GREB1L: variants seen among roughly 807,000 people sequenced by gnomAD.
GREB1L encodes GREB1-like protein.
A neutral mutation model predicts 200.8 loss-of-function variants in GREB1L; 17 were observed. The observed-to-expected ratio is 0.08, with a 90% CI of 0.06 to 0.13. GREB1L has a LOEUF of 0.13. Among genes scored for constraint, GREB1L ranks in the 10% least tolerant of loss-of-function variants. The pLI is 1.00. For synonymous variants in GREB1L, 789 were observed against 893.0 expected (o/e 0.88, Z 2.08); for missense variants, 1,657 against 2,367.7 (o/e 0.70, Z 6.23).
At position 21,354,507 on chromosome 18, in the gene GREB1L, G is replaced by A. The variant is rs375251762; in HGVS notation, c.-119-11520G>A. Reference sequence around the variant, plus strand: ...AGTAGGTGCTGTGATTTCAGAATAGGCAAAAACAGAAAAACATAATTTTTG... The same window carrying A: ...AGTAGGTGCTGTGATTTCAGAATAGACAAAAACAGAAAAACATAATTTTTG... On this transcript the variant is annotated intron_variant, in intron 1 of 32. Coordinates refer to ENST00000424526, the MANE Select transcript of GREB1L (RefSeq NM_001142966.3). Among the ~76,000 whole-genome samples the A allele has an allele frequency of 4.7e-4, 72 of 152,274 alleles. No homozygotes were observed. In the South Asian group the frequency reaches 9.1e-3, roughly 19 times the overall value.
At chr18:21,436,371 C>T (rs1455507038) in intron 7 of GREB1L, among the ~76,000 whole-genome samples, 8 of 152,192 alleles carry the variant, frequency 5.3e-5, no homozygotes, top group East Asian at 3.9e-4. Flanking sequence ...GGCACAGTGA[C>T]GCCTGTAAAC....
At chr18:21,451,383 T>G (rs2034509910) in intron 13 of GREB1L, 2 of 363,262 alleles carry the variant, frequency 5.5e-6, no homozygotes, top group South Asian at 1.3e-4. Flanking sequence ...ACAACCTTGT[T>G]GAGTGACCTT....
At chr18:21,461,522 A>G (rs1276138003) in intron 15 of GREB1L, among the ~76,000 whole-genome samples, 2 of 151,966 alleles carry the variant, frequency 1.3e-5, no homozygotes, top group Non-Finnish European at 2.9e-5. Context: ...TGCCCGTATC[A>G]CCAGTGACCT....
Position 21,355,595 on chromosome 18 carries a change from G to A in GREB1L, c.-119-10432G>A, listed in dbSNP as rs907598474. Among the ~76,000 whole-genome samples, 9 of 152,140 alleles carry A rather than the reference G, an allele frequency of 5.9e-5. 1 individual carries two copies. The highest frequency in any genetic ancestry group is 2.2e-4 in the African/African-American group (9 of 41,402). ...AGATAGCTACCACAGACTAAACCCT[G>A]TGGAACACTAACATTTAGGAAATTG... On this transcript the variant is annotated intron_variant, in intron 1 of 32. Transcript: ENST00000424526.
chr18:21,286,201 G>A (rs2038353672), intron 1 of GREB1L, among the ~76,000 whole-genome samples: 1 of 152,214 alleles, frequency 6.6e-6, no homozygotes, highest in African/African-American at 2.4e-5. Context: ...CAGTGGTTTA[G>A]AGGGAGAACT....
chr18:21,388,242 A>G (rs1205442469), intron 4 of GREB1L, among the ~76,000 whole-genome samples: 1 of 152,196 alleles, frequency 6.6e-6, no homozygotes, highest in Admixed American at 6.5e-5. Flanking sequence ...GGTAAAAGAT[A>G]AAATAGAACT....
At chr18:21,459,431 G>A (rs1234533329) in intron 15 of GREB1L, among the ~76,000 whole-genome samples, 4 of 151,270 alleles carry the variant, frequency 2.6e-5, no homozygotes, top group Non-Finnish European at 5.9e-5. Context: ...GATTACAGGC[G>A]CCCACCACCA....
intron 1 of GREB1L, among the ~76,000 whole-genome samples, chr18:21,346,108 G>A (rs1264693044): frequency 1.3e-5 from 2 of 152,092 alleles, no homozygotes; most frequent in African/African-American, 4.8e-5. Context: ...GACAATAGGG[G>A]TGGAGAAAAG....
Position 21,454,451 on chromosome 18 carries a change from C to T in GREB1L, c.2070C>T (p.Asp690=). 2 of 1,551,542 alleles carry T rather than the reference C, an allele frequency of 1.3e-6. No individual in the cohort carries two copies. The highest frequency in any genetic ancestry group is 1.7e-6 in the Non-Finnish European group (2 of 1,146,824). ...TATCCCAGGTGTGTGCTATAGCGGA[C>T]AGTGGCAGCCAGAGCCTGGACCTCG... ...KLLSQVCAIA[D]SGSQSLDLGH... is the part of the protein sequence containing the mutation. Residue 690 remains aspartate (D), a synonymous_variant, in exon 15 of 33, where the codon GAC becomes GAT. Coordinates refer to ENST00000424526, the MANE Select transcript of GREB1L (RefSeq NM_001142966.3).
intron 7 of GREB1L, among the ~76,000 whole-genome samples, chr18:21,421,841 C>T (rs111824974): frequency 2.6e-5 from 4 of 152,236 alleles, no homozygotes; most frequent in Admixed American, 6.5e-5. Context: ...AAGATTTTTT[C>T]CCCCAGTGAT....
chr18:21,355,664 T>C (rs776746854), intron 1 of GREB1L, among the ~76,000 whole-genome samples: 1 of 152,114 alleles, frequency 6.6e-6, no homozygotes, highest in Non-Finnish European at 1.5e-5. Flanking sequence ...AGCAATGAGA[T>C]GAAATCCAGC....
chr18:21,253,045 G>A (rs1295523223), intron 1 of GREB1L, among the ~76,000 whole-genome samples: 1 of 152,056 alleles, frequency 6.6e-6, no homozygotes, highest in Non-Finnish European at 1.5e-5. Context: ...GTATTCAAAA[G>A]GGTTTCCTTC....
intron 1 of GREB1L, among the ~76,000 whole-genome samples, chr18:21,300,254 G>GCT (rs1226319826): frequency 8.5e-5 from 13 of 152,168 alleles, no homozygotes; most frequent in African/African-American, 2.7e-4. Flanking sequence ...ATGATAAATG[G>GCT]CTGACTTCAA....
chr18:21,387,265 C>T (rs1022176030), intron 4 of GREB1L, among the ~76,000 whole-genome samples: 2 of 152,122 alleles, frequency 1.3e-5, no homozygotes, highest in Non-Finnish European at 2.9e-5. Context: ...TACTCTGTAA[C>T]CTTCAAGTTG....
intron 16 of GREB1L, among the ~76,000 whole-genome samples, chr18:21,475,070 T>A (rs1326520167): frequency 6.6e-6 from 1 of 152,128 alleles, no homozygotes; most frequent in Non-Finnish European, 1.5e-5. Context: ...ATTTAGAGAT[T>A]CCTGAAAAAA....
Position 21,508,416 on chromosome 18 carries a change from C to T in GREB1L, c.4560C>T (p.Phe1520=). Residue 1520 remains phenylalanine, a synonymous_variant, in exon 27 of 33, where the codon TTC becomes TTT. Transcript: ENST00000424526. ...KNLNAVKSPI[F]TPSSGRHEHG... The stretch of plus-strand genomic sequence containing the variant: ...TGAATGCAGTCAAGAGCCCTATTTT[C>T]ACTCCTTCCAGTGGTCGACATGAGC... The T allele has an allele frequency of 6.4e-7, 1 of 1,551,634 alleles. No homozygotes were observed. Among genetic ancestry groups the T allele is most frequent in the Non-Finnish European group, 8.7e-7 (1 of 1,146,982 alleles).
intron 27 of GREB1L, among the ~76,000 whole-genome samples, chr18:21,509,705 A>ACT (rs1368268869): frequency 1.3e-5 from 2 of 152,060 alleles, no homozygotes; most frequent in Non-Finnish European, 1.5e-5. Flanking sequence ...ACTCATACTA[A>ACT]CTGAAGCCTT....
chr18:21,304,782 G>A (rs185752606), intron 1 of GREB1L, among the ~76,000 whole-genome samples: 112 of 152,218 alleles, frequency 7.4e-4, no homozygotes, highest in Non-Finnish European at 1.0e-3. Context: ...TGAGAGGAGA[G>A]GGGGAATGGG....
At chr18:21,472,939 A>T (rs2145684363) in intron 15 of GREB1L, 92 bp from the exon 16 acceptor site, 1 of 801,004 alleles carries the variant, frequency 1.2e-6, no homozygotes, top group East Asian at 2.9e-5. Context: ...GTTGGTACCC[A>T]GTGTCAGCTG....
Sources: gnomAD v4.1 joint callset for allele counts (sites outside exome capture counted in the v4.1 genomes callset) on GRCh38, gnomAD v4.1.1 for gene constraint, MANE v1.5 for transcripts, NCBI Gene and HGNC (gene_info 2026-07-23, HGNC 2026-07-21) for gene names.